Variants in ZNF701 observed in about 807,000 individuals in gnomAD.
The protein encoded by ZNF701 is zinc finger protein 701.
In ZNF701, 6 loss-of-function variants were observed where a neutral mutation model predicts 7.1. That is an observed-to-expected ratio of 0.84 (90% CI 0.46 to 1.66). The LOEUF (loss-of-function observed/expected upper bound fraction) is 1.66, where lower values mean the gene tolerates loss of function less well. Among genes scored for constraint, ZNF701 ranks in the 40% most tolerant of loss-of-function variants. The pLI is 0.01. For missense variants in ZNF701, 541 were observed against 559.2 expected (o/e 0.97, Z 0.33); for synonymous variants, 166 against 188.2 (o/e 0.88, Z 0.97).
At chr19:52,596,588 T>C in the ZNF701 span, 1 of 410,580 alleles carries the variant, frequency 2.4e-6, no homozygotes, top group South Asian at 1.9e-5. Flanking sequence ...TTGCACATCA[T>C]GGACTTCATA....
In ZNF701 at chr19:52,583,624, A is replaced by C; in HGVS notation, c.*167A>C. 2 of 1,296,102 alleles carry C rather than the reference A, an allele frequency of 1.5e-6. No homozygotes were observed. The highest frequency in any genetic ancestry group is 2.2e-6 in the Non-Finnish European group (2 of 891,562). 80.3% of individuals were successfully genotyped at this position (1,296,102 alleles called of 1,614,324 possible). A position where few individuals can be genotyped will look rare whatever the true frequency, so the allele number is the denominator to read the frequency against. ...GTTCATACTGGAGAGAAACCATACA[A>C]ATGTAAGGTTTGTGACAAGGATTTC... On this transcript the variant is annotated 3_prime_UTR_variant, in exon 4 of 4. Coordinates refer to ENST00000391785, the MANE Select transcript of ZNF701 (RefSeq NM_018260.3).
intron 1 of ZNF701, chr19:52,573,272 C>G (rs189017934): frequency 3.3e-4 from 50 of 153,204 alleles, no homozygotes; most frequent in Middle Eastern, 3.4e-3. Context: ...TTGAGTCTTA[C>G]TCTGTTGCCC....
the ZNF701 span, among the ~76,000 whole-genome samples, chr19:52,594,756 G>C: frequency 6.8e-6 from 1 of 148,102 alleles, no homozygotes; most frequent in African/African-American, 2.5e-5. Flanking sequence ...CAGGTGATCT[G>C]CCCACCTTGG....
intron 3 of ZNF701, among the ~76,000 whole-genome samples, chr19:52,580,508 T>C (rs2059968738): frequency 6.6e-6 from 1 of 151,970 alleles, no homozygotes; most frequent in South Asian, 2.1e-4. Context: ...TACAGGCATG[T>C]GCCACCGTGC....
In ZNF701 at chr19:52,586,034, TTG is replaced by T. The variant is rs368225885; in HGVS notation, c.*2579_*2580del. 1.3e-5 allele frequency: 2 copies of T among 151,904 alleles called. No homozygotes were observed. The highest frequency in any genetic ancestry group is 4.9e-5 in the African/African-American group (2 of 41,018). 9.4% of individuals were successfully genotyped at this position (151,904 alleles called of 1,614,324 possible). A position where few individuals can be genotyped will look rare whatever the true frequency, so the allele number is the denominator to read the frequency against. ...AGACCCAGGACCCATGTGGTTTTTT[TTG>T]TTTTTGTTTTTGTTTTTTTGATGGA... On this transcript the variant is annotated 3_prime_UTR_variant, in exon 4 of 4. Transcript: ENST00000391785.
chr19:52,584,272 GTT>G lies in ZNF701; in HGVS notation c.*817_*818del, dbSNP rs895031701. 4.5e-6 allele frequency: 1 copy of G among 220,910 alleles called. No individual in the cohort carries two copies. Among genetic ancestry groups the G allele is most frequent in the African/African-American group, 2.3e-5 (1 of 42,768 alleles). The allele number at this position is 220,910 out of a possible 1,614,324, so 13.7% of individuals were successfully genotyped here. A position where few individuals can be genotyped will look rare whatever the true frequency, so the allele number is the denominator to read the frequency against. ...TAGAGTCAATTCAGAATTGACTTGA[GTT>G]TGAGTTGACTTAAAACATTCAGTTG... is the stretch of plus-strand genomic sequence containing the variant. On this transcript the variant is annotated 3_prime_UTR_variant, in exon 4 of 4. Coordinates refer to ENST00000391785, the MANE Select transcript of ZNF701 (RefSeq NM_018260.3).
At chr19:52,575,096 A>C (rs2059924749) in intron 2 of ZNF701, among the ~76,000 whole-genome samples, 1 of 152,120 alleles carries the variant, frequency 6.6e-6, no homozygotes, top group South Asian at 2.1e-4. Context: ...CAGCCTCCTG[A>C]GTAGCTGGGA....
At chr19:52,578,084 C>T (rs868702126) in intron 3 of ZNF701, among the ~76,000 whole-genome samples, 2 of 151,636 alleles carry the variant, frequency 1.3e-5, no homozygotes, top group Non-Finnish European at 2.9e-5. Flanking sequence ...GAAACCCCGT[C>T]TCTACTAAAA....
intron 2 of ZNF701, 144 bp downstream of exon 2, chr19:52,574,306 A>C: frequency 7.2e-7 from 1 of 1,393,900 alleles, no homozygotes; most frequent in Non-Finnish European, 1.0e-6. Flanking sequence ...AGTCCCTGTC[A>C]TCTCACTTAG....
the ZNF701 span, chr19:52,597,016 A>T: frequency 1.3e-5 from 16 of 1,217,552 alleles, no homozygotes; most frequent in Non-Finnish European, 1.9e-5. Flanking sequence ...AAATGTAATG[A>T]TTGTCACAAA....
intron 2 of ZNF701, among the ~76,000 whole-genome samples, chr19:52,575,477 G>A (rs775272574): frequency 2.0e-5 from 3 of 151,752 alleles, no homozygotes; most frequent in Non-Finnish European, 4.4e-5. Flanking sequence ...ATAGAATTTT[G>A]TACTTCGATT....
At chr19:52,572,387 G>A (rs990733005) in intron 1 of ZNF701, 4 of 1,288,640 alleles carry the variant, frequency 3.1e-6, no homozygotes, top group Admixed American at 4.6e-5. Flanking sequence ...CTGTGTCTTT[G>A]TACATCTGCA....
chr19:52,591,989 G>C (rs1328772688), downstream of ZNF701: 2 of 546,836 alleles, frequency 3.7e-6, no homozygotes, highest in African/African-American at 3.9e-5. Context: ...ATGCGGCTTT[G>C]TCAGAACACC....
chr19:52,596,498 T>G, the ZNF701 span: 1 of 434,716 alleles, frequency 2.3e-6, no homozygotes. Context: ...TTCATGCCTT[T>G]CATGCCGTAA....
intron 1 of ZNF701, chr19:52,572,508 T>C: frequency 1.3e-6 from 1 of 790,186 alleles, no homozygotes. Flanking sequence ...GAAAGAGGCT[T>C]CTCTAATTTT....
intron 1 of ZNF701, chr19:52,572,694 G>T: frequency 2.9e-6 from 1 of 345,352 alleles, no homozygotes; most frequent in Non-Finnish European, 5.6e-6. Flanking sequence ...TCCCTGGCAG[G>T]GAACCCTCCA....
At chr19:52,596,854 C>T in the ZNF701 span, 1 of 548,170 alleles carries the variant, frequency 1.8e-6, no homozygotes, top group Non-Finnish European at 3.7e-6. Context: ...TTCATACTGT[C>T]TAAGGTTTCT....
intron 3 of ZNF701, among the ~76,000 whole-genome samples, chr19:52,576,312 G>A (rs774299253): frequency 5.3e-5 from 8 of 152,090 alleles, no homozygotes; most frequent in Non-Finnish European, 1.0e-4. Context: ...AGGCTGAGGC[G>A]TGTGGATCAC....
At chr19:52,575,115 A>G (rs544643098) in intron 2 of ZNF701, among the ~76,000 whole-genome samples, 241 of 151,806 alleles carry the variant, frequency 1.6e-3, no homozygotes, top group Non-Finnish European at 2.7e-3. Context: ...GACTACAGGC[A>G]CCCCCCACCA....
Sources: allele counts gnomAD v4.1 joint callset (sites outside exome capture counted in the v4.1 genomes callset), GRCh38; gene constraint gnomAD v4.1.1; transcripts MANE v1.5; gene names NCBI Gene and HGNC (gene_info 2026-07-23, HGNC 2026-07-21).